DOCK1: variants seen among roughly 807,000 people sequenced by gnomAD.
The protein encoded by DOCK1 is dedicator of cytokinesis protein 1.
Under a neutral mutation model 262.7 loss-of-function variants are expected in DOCK1, and 138 were observed. That is an observed-to-expected ratio of 0.53 (90% CI 0.46 to 0.61). DOCK1 has a LOEUF of 0.61. Ranked by LOEUF, DOCK1 falls within the 20% of genes least tolerant of loss-of-function variation. DOCK1 has a pLI of 0.00. For missense variants in DOCK1, 1,908 were observed against 2,370.7 expected (o/e 0.80, Z 4.05); for synonymous variants, 866 against 867.4 (o/e 1.00, Z 0.03).
chr10:127,146,673 A>G (rs2051888431), intron 27 of DOCK1, among the ~76,000 whole-genome samples: 2 of 152,162 alleles, frequency 1.3e-5, no homozygotes, highest in South Asian at 4.1e-4. Flanking sequence ...CAAAAGGCGA[A>G]TTTCCCCCAC....
chr10:127,018,021 C>T (rs1296158615), intron 12 of DOCK1, among the ~76,000 whole-genome samples: 4 of 152,234 alleles, frequency 2.6e-5, no homozygotes, highest in Non-Finnish European at 4.4e-5. Context: ...GTTTACTGCC[C>T]TCTCCCCAGG....
At chr10:126,999,548 A>G in intron 9 of DOCK1, 113 bp downstream of exon 9, 5 of 786,988 alleles carry the variant, frequency 6.4e-6, no homozygotes, top group Non-Finnish European at 1.1e-5. Context: ...GGATGCCTGT[A>G]TACAGGTTAA....
intron 1 of DOCK1, among the ~76,000 whole-genome samples, chr10:126,947,016 T>G (rs1208633227): frequency 2.0e-5 from 3 of 152,220 alleles, no homozygotes; most frequent in Non-Finnish European, 4.4e-5. Context: ...GGCCCATGAC[T>G]GGGGAGAGAT....
chr10:127,011,447 G>A (rs1278245546), intron 11 of DOCK1, among the ~76,000 whole-genome samples: 1 of 152,150 alleles, frequency 6.6e-6, no homozygotes, highest in Admixed American at 6.5e-5. Flanking sequence ...CACTGTCCTT[G>A]TTCCCAGGAT....
rs866474115 is a variant in DOCK1 at position 127,404,534 on chromosome 10, G to A, written c.4122+105G>A. 4.7e-6 allele frequency: 5 copies of A among 1,059,064 alleles called. No homozygotes were observed. In the South Asian group the frequency reaches 7.1e-5, roughly 15 times the overall value. 65.6% of individuals were successfully genotyped at this position (1,059,064 alleles called of 1,614,324 possible). A position where few individuals can be genotyped will look rare whatever the true frequency, so the allele number is the denominator to read the frequency against. ...GGAGTTTGCATCCGCGTGGGATCGT[G>A]CAACTCTCTACACTGCCATAGCTCG... is the stretch of plus-strand genomic sequence containing the variant. On this transcript the variant is annotated intron_variant, in intron 40 of 51. Coordinates refer to ENST00000623213, the MANE Select transcript of DOCK1 (RefSeq NM_001290223.2).
chr10:127,147,452 C>T (rs2051992951), intron 27 of DOCK1, among the ~76,000 whole-genome samples: 2 of 152,262 alleles, frequency 1.3e-5, no homozygotes, highest in South Asian at 2.1e-4. Flanking sequence ...TGGCTTCCTT[C>T]ACCTCCTCCT....
chr10:127,042,861 A>AT (rs924905880), intron 20 of DOCK1, 147 bp downstream of exon 20: 27 of 938,930 alleles, frequency 2.9e-5, no homozygotes, highest in Non-Finnish European at 3.7e-5. Context: ...GGGGTGGCAG[A>AT]TTTTTTTTCT....
rs1479754598 is a variant in DOCK1 at position 127,452,427 on chromosome 10, TA to T, written c.*1001del. On this transcript the variant is annotated 3_prime_UTR_variant, in exon 52 of 52. Transcript: ENST00000623213. ...CCTAATATTTGTATTCTCTCATCTA[TA>T]TTTTTTTATTCACTATAATCATGAT... The T allele has an allele frequency of 6.6e-6, 1 of 152,666 alleles. No individual in the cohort carries two copies. The highest frequency in any genetic ancestry group is 1.5e-5 in the Non-Finnish European group (1 of 68,034). 9.5% of individuals were successfully genotyped at this position (152,666 alleles called of 1,614,324 possible).
intron 42 of DOCK1, 50 bp from the exon 43 acceptor site, chr10:127,410,790 T>C (rs1329481369): frequency 2.5e-6 from 4 of 1,575,094 alleles, no homozygotes; most frequent in Middle Eastern, 3.3e-4. Flanking sequence ...CAAAAGCAAA[T>C]TGGCTATTTG....
intron 1 of DOCK1, among the ~76,000 whole-genome samples, chr10:126,922,378 G>A (rs2033291034): frequency 6.6e-6 from 1 of 152,108 alleles, no homozygotes; most frequent in African/African-American, 2.4e-5. Flanking sequence ...AAGAGCAGGA[G>A]CAAGAGAGGG....
intron 29 of DOCK1, among the ~76,000 whole-genome samples, chr10:127,261,963 C>T (rs1412772526): frequency 9.0e-6 from 1 of 111,246 alleles, no homozygotes; most frequent in Non-Finnish European, 1.8e-5. Flanking sequence ...TACCCGTGCT[C>T]CTCTGTGTGC....
chr10:126,916,235 T>C (rs1204736905), intron 1 of DOCK1, among the ~76,000 whole-genome samples: 1 of 152,188 alleles, frequency 6.6e-6, no homozygotes, highest in Non-Finnish European at 1.5e-5. Flanking sequence ...ACCGTGTGTG[T>C]GGAAGAGCTT....
At chr10:127,354,120 A>G (rs943041674) in intron 31 of DOCK1, among the ~76,000 whole-genome samples, 3 of 152,218 alleles carry the variant, frequency 2.0e-5, no homozygotes, top group Non-Finnish European at 4.4e-5. Flanking sequence ...CTATGCACCC[A>G]TCGAGAGGAA....
chr10:126,931,964 G>C (rs966871561), intron 1 of DOCK1, among the ~76,000 whole-genome samples: 51 of 152,166 alleles, frequency 3.4e-4, no homozygotes, highest in African/African-American at 1.2e-3. Context: ...GTAGTAGAAA[G>C]GCATTAAGTC....
intron 43 of DOCK1, among the ~76,000 whole-genome samples, chr10:127,411,752 A>G (rs1234308207): frequency 6.6e-6 from 1 of 152,070 alleles, no homozygotes; most frequent in Admixed American, 6.6e-5. Context: ...AGGCGGGAGA[A>G]TCGCTTGAAC....
intron 25 of DOCK1, among the ~76,000 whole-genome samples, chr10:127,121,299 A>C (rs1328121430): frequency 6.7e-6 from 1 of 148,608 alleles, no homozygotes; most frequent in Admixed American, 6.7e-5. Context: ...TAATGGGACT[A>C]TCAGTGCCAA....
chr10:127,095,456 C>G (rs1592004370), intron 23 of DOCK1, among the ~76,000 whole-genome samples: 1 of 152,220 alleles, frequency 6.6e-6, no homozygotes, highest in Non-Finnish European at 1.5e-5. Flanking sequence ...GTGATTCTGA[C>G]TACTGTTAGA....
chr10:127,383,541 C>T (rs11017739), intron 37 of DOCK1, among the ~76,000 whole-genome samples: 113,614 of 152,182 alleles, frequency 0.75, 42,538 homozygotes, highest in African/African-American at 0.81. Context: ...GCTTCTCACT[C>T]TTGCCTGACC....
At chr10:127,222,908 C>T (rs2058495716) in intron 27 of DOCK1, among the ~76,000 whole-genome samples, 1 of 152,126 alleles carries the variant, frequency 6.6e-6, no homozygotes, top group Non-Finnish European at 1.5e-5. Flanking sequence ...AACACCTGGG[C>T]TCAAGCGCTC....
Sources: gnomAD v4.1 joint callset for allele counts (sites outside exome capture counted in the v4.1 genomes callset) on GRCh38, gnomAD v4.1.1 for gene constraint, MANE v1.5 for transcripts, NCBI Gene and HGNC (gene_info 2026-07-23, HGNC 2026-07-21) for gene names.